Variants in ASMTL observed in about 807,000 individuals in gnomAD.
ASMTL encodes the protein acetylserotonin O-methyltransferase like.
A neutral mutation model predicts 60.3 loss-of-function variants in ASMTL; 57 were observed. That is an observed-to-expected ratio of 0.95 (90% CI 0.76 to 1.18). ASMTL has a LOEUF of 1.18. Among genes scored for constraint, ASMTL ranks in the 50% most tolerant of loss-of-function variants. The pLI, the probability that ASMTL is intolerant of heterozygous loss-of-function variation, is 0.00. For missense variants in ASMTL, 981 were observed against 852.6 expected (o/e 1.15, Z -1.88); for synonymous variants, 419 against 373.0 (o/e 1.12, Z -1.42).
rs767013476 is a variant in ASMTL, at chrX:1,439,047, C to T, written c.273+50G>A. 5.6e-6 allele frequency: 9 copies of T among 1,598,380 alleles called. No individual in the cohort carries two copies. In the African/African-American group the frequency reaches 1.2e-4, roughly 21 times the overall value. On this transcript the variant is annotated intron_variant, in intron 3 of 12. Coordinates refer to ENST00000381317, the MANE Select transcript of ASMTL (RefSeq NM_004192.4). ...CCACAAGAGGCAGAATCACCAAGCA[C>T]AGGAAAACCACATCGGACATTAGAA...
intron 12 of ASMTL, among the ~76,000 whole-genome samples, chrX:1,404,438 A>G (rs756088566): frequency 3.7e-4 from 56 of 150,768 alleles, no homozygotes; most frequent in African/African-American, 1.2e-3. Flanking sequence ...GATGAGATGG[A>G]TGGATGGGTG....
At chrX:1,411,106 C>T (rs1205372977) in intron 12 of ASMTL, among the ~76,000 whole-genome samples, 1 of 152,030 alleles carries the variant, frequency 6.6e-6, no homozygotes, top group Non-Finnish European at 1.5e-5. Flanking sequence ...ATCACTTGAA[C>T]CCTGGGGGTG....
intron 8 of ASMTL, 36 bp from the exon 9 acceptor site, chrX:1,421,878 G>T (rs373057642): frequency 6.2e-7 from 1 of 1,605,306 alleles, no homozygotes; most frequent in Non-Finnish European, 8.5e-7. Flanking sequence ...ACCTCCTAAC[G>T]AGAAAACCCA....
At chrX:1,414,716 T>C (rs1411490358) in intron 11 of ASMTL, among the ~76,000 whole-genome samples, 1 of 151,982 alleles carries the variant, frequency 6.6e-6, no homozygotes, top group Non-Finnish European at 1.5e-5. Context: ...CAAACATAAA[T>C]AAATTTCAGC....
intron 11 of ASMTL, among the ~76,000 whole-genome samples, chrX:1,416,406 C>G (rs1448496177): frequency 1.4e-5 from 1 of 69,100 alleles, no homozygotes; most frequent in African/African-American, 3.3e-5. Flanking sequence ...CACGGACATA[C>G]AGATACACCA....
intron 1 of ASMTL, among the ~76,000 whole-genome samples, chrX:1,444,333 C>T (rs542851891): frequency 4.6e-5 from 7 of 151,896 alleles, no homozygotes; most frequent in South Asian, 2.1e-4. Flanking sequence ...CTCAGTCTCC[C>T]GAGTAGCTGG....
rs763879084 is a variant in ASMTL, at chrX:1,405,392, GTAGA to G, written c.1646-1907_1646-1904del. ...GATGGATGGGTGAATAGGTAGGTAG[GTAGA>G]TAGATGGATGTATAGATGGATGCAT... On this transcript the variant is annotated intron_variant, in intron 12 of 12. Transcript: ENST00000381317. Among the ~76,000 whole-genome samples, 38 of 149,304 alleles carry G rather than the reference GTAGA, an allele frequency of 2.5e-4. No individual in the cohort carries two copies. The South Asian group carries it at 2.8e-3, about 11-fold the overall frequency.
At chrX:1,420,381 CTCTCTG>C in intron 9 of ASMTL, among the ~76,000 whole-genome samples, 1 of 147,008 alleles carries the variant, frequency 6.8e-6, no homozygotes, top group African/African-American at 2.5e-5. Flanking sequence ...GCCTATCTCT[CTCTCTG>C]TGTCTCCCTG....
At chrX:1,415,919 C>G (rs1341581035) in intron 11 of ASMTL, among the ~76,000 whole-genome samples, 1 of 152,046 alleles carries the variant, frequency 6.6e-6, no homozygotes, top group Non-Finnish European at 1.5e-5. Context: ...CACATGCAAG[C>G]ACACGCCACA....
chrX:1,441,296 A>G (rs2091100308), intron 2 of ASMTL, among the ~76,000 whole-genome samples: 1 of 152,068 alleles, frequency 6.6e-6, no homozygotes, highest in African/African-American at 2.4e-5. Context: ...TATTTTTTGG[A>G]GACGAAGTCT....
intron 5 of ASMTL, among the ~76,000 whole-genome samples, chrX:1,433,214 A>T (rs1367595599): frequency 2.0e-5 from 3 of 152,104 alleles, no homozygotes; most frequent in African/African-American, 7.2e-5. Context: ...GCGTTTTGCT[A>T]TGTGGTGACA....
At chrX:1,408,287 G>T (rs1407252062) in intron 12 of ASMTL, among the ~76,000 whole-genome samples, 6 of 46,958 alleles carry the variant, frequency 1.3e-4, no homozygotes, top group African/African-American at 8.1e-4. Context: ...GCCAAATGCT[G>T]GTACTCCCAA....
At chrX:1,433,170 C>A (rs1486952383) in intron 5 of ASMTL, among the ~76,000 whole-genome samples, 1 of 151,996 alleles carries the variant, frequency 6.6e-6, no homozygotes, top group African/African-American at 2.4e-5. Flanking sequence ...CCCTGAATCC[C>A]GGGGAATCTG....
intron 9 of ASMTL, among the ~76,000 whole-genome samples, chrX:1,420,691 A>C (rs1401166452): frequency 6.6e-6 from 1 of 152,234 alleles, no homozygotes; most frequent in Non-Finnish European, 1.5e-5. Flanking sequence ...GGGCGAGAGG[A>C]TGCAGGGAGC....
intron 5 of ASMTL, among the ~76,000 whole-genome samples, chrX:1,433,488 A>AC (rs1468040414): frequency 2.3e-5 from 3 of 131,592 alleles, no homozygotes; most frequent in Non-Finnish European, 3.3e-5. Flanking sequence ...CCACGGTGAA[A>AC]CCCCGTCTCT....
chrX:1,432,267 A>G lies in ASMTL; in HGVS notation c.509+2T>C. 1 of 1,608,892 alleles carries G rather than the reference A, an allele frequency of 6.2e-7. No homozygotes were observed. The highest frequency in any genetic ancestry group is 8.5e-7 in the Non-Finnish European group (1 of 1,177,420). ...CGTCCCCCCACCGCCCCCGAGACTC[A>G]CATGGGCTCCCCGCTGTGGACGTAT... is the stretch of plus-strand genomic sequence containing the variant. On this transcript the variant is annotated splice_donor_variant, in intron 6 of 12. Transcript: ENST00000381317. LOFTEE classifies it high-confidence loss of function.
chrX:1,418,859 C>G (rs1423889266), intron 10 of ASMTL, 123 bp downstream of exon 10: 6 of 1,272,330 alleles, frequency 4.7e-6, no homozygotes, highest in Non-Finnish European at 6.6e-6. Context: ...TCAGCCTGGC[C>G]CGGTTCAGGT....
At chrX:1,428,679 G>A (rs182378003) in intron 6 of ASMTL, among the ~76,000 whole-genome samples, 62 of 34,228 alleles carry the variant, frequency 1.8e-3, no homozygotes, top group Non-Finnish European at 3.8e-3. Context: ...AATTTCATGT[G>A]TTAAATGGGA....
chrX:1,410,320 C>T (rs1346855289), intron 12 of ASMTL, among the ~76,000 whole-genome samples: 3 of 150,096 alleles, frequency 2.0e-5, no homozygotes, highest in East Asian at 2.0e-4. Flanking sequence ...GCAGGAGGAT[C>T]GCTTGAGCCC....
Sources: allele counts gnomAD v4.1 joint callset (sites outside exome capture counted in the v4.1 genomes callset), GRCh38; gene constraint gnomAD v4.1.1; transcripts MANE v1.5; gene names NCBI Gene and HGNC (gene_info 2026-07-23, HGNC 2026-07-21).